Variants in SMIM13 observed in about 807,000 individuals in gnomAD.
SMIM13 encodes small integral membrane protein 13.
SMIM13 carries 3 observed loss-of-function variants against 5.9 expected under a neutral mutation model. That is an observed-to-expected ratio of 0.51 (90% CI 0.23 to 1.31). The LOEUF is 1.31. Ranked by LOEUF, SMIM13 falls within the 40% of genes most tolerant of loss-of-function variation. The pLI, the probability that SMIM13 is intolerant of heterozygous loss-of-function variation, is 0.18. For synonymous variants in SMIM13, 55 were observed against 46.0 expected, an observed-to-expected ratio of 1.19 and a Z score of -0.79; for missense variants, 85 against 109.9, an observed-to-expected ratio of 0.77 and a Z score of 1.01.
At chr6:11,116,978 G>GTTTT (rs1561756849) in intron 1 of SMIM13, among the ~76,000 whole-genome samples, 11 of 67,702 alleles carry the variant, frequency 1.6e-4, no homozygotes, top group South Asian at 5.2e-4. Context: ...AATGATAATT[G>GTTTT]TTTCTTTTTT....
Position 11,113,655 on chromosome 6 carries a change from AG to A in SMIM13, c.76+19267del, listed in dbSNP as rs1189062579. On this transcript the variant is annotated intron_variant, in intron 1 of 1. Transcript: ENST00000416247. ...CAGTGGCACAATCTTGGCTCACTGCAGCCCCCGCCTCCTGGGTTCAAAAGGT... is the reference window on the plus strand; with the variant it reads ...CAGTGGCACAATCTTGGCTCACTGCACCCCCGCCTCCTGGGTTCAAAAGGT... Among the ~76,000 whole-genome samples the A allele has an allele frequency of 2.6e-5, 4 of 152,284 alleles. No individual in the cohort carries two copies. In the East Asian group the frequency reaches 7.7e-4, roughly 29 times the overall value.
At chr6:11,112,493 TCTG>T (rs1048781626) in intron 1 of SMIM13, among the ~76,000 whole-genome samples, 1 of 152,180 alleles carries the variant, frequency 6.6e-6, no homozygotes, top group African/African-American at 2.4e-5. Context: ...CCTCAAGTGA[TCTG>T]CTGTCCTTGG....
intron 1 of SMIM13, among the ~76,000 whole-genome samples, chr6:11,130,790 T>G (rs1034261382): frequency 1.1e-4 from 17 of 152,214 alleles, no homozygotes; most frequent in African/African-American, 3.6e-4. Flanking sequence ...TGTAGATTTC[T>G]GTGCTGAGAG....
chr6:11,105,091 T>C (rs763043224), intron 1 of SMIM13: 1 of 1,614,136 alleles, frequency 6.2e-7, no homozygotes, highest in South Asian at 1.1e-5. Context: ...CGATAGGAAA[T>C]ATGTAATTCC....
chr6:11,096,936 C>T (rs1278763389), intron 1 of SMIM13, among the ~76,000 whole-genome samples: 1 of 152,232 alleles, frequency 6.6e-6, no homozygotes, highest in Non-Finnish European at 1.5e-5. Context: ...GGTGATCCAC[C>T]CGCCTCGGCT....
intron 1 of SMIM13, among the ~76,000 whole-genome samples, chr6:11,122,533 A>C (rs192701638): frequency 1.3e-5 from 2 of 150,104 alleles, no homozygotes; most frequent in Admixed American, 1.3e-4. Context: ...CAGGCCTGTG[A>C]CCTTTTTGCA....
rs865858113 is a variant in SMIM13, at chr6:11,134,551, C to G, written c.225C>G (p.Ser75=). Residue 75 remains serine (S), a synonymous_variant, in exon 2 of 2, where the codon TCC becomes TCG. Coordinates refer to ENST00000416247, the MANE Select transcript of SMIM13 (RefSeq NM_001135575.2). ...CCTCCTCTCCACACAGAATCAGATC[C>G]GCTCGCCAAAGGAGGGCACCTGCTG... ...DTSSSPHRIR[S]ARQRRAPADE... is the part of the protein sequence containing the mutation. 1.1e-5 allele frequency: 17 copies of G among 1,549,836 alleles called. No individual in the cohort carries two copies. The highest frequency in any genetic ancestry group is 1.3e-5 in the Non-Finnish European group (15 of 1,145,996).
chr6:11,107,881 C>T (rs1758110328), intron 1 of SMIM13, among the ~76,000 whole-genome samples: 1 of 152,180 alleles, frequency 6.6e-6, no homozygotes, highest in Non-Finnish European at 1.5e-5. Flanking sequence ...AGGAAACTGC[C>T]TTCTACAAGG....
chr6:11,134,360 T>G, intron 1 of SMIM13, 43 bp from the exon 2 acceptor site: 1 of 1,422,492 alleles, frequency 7.0e-7, no homozygotes. Context: ...TTGATAACAT[T>G]GTGTGTAATA....
Position 11,094,276 on chromosome 6 carries a change from G to T in SMIM13, c.-38G>T, listed in dbSNP as rs1351051267. On this transcript the variant is annotated 5_prime_UTR_variant, in exon 1 of 2. Coordinates refer to ENST00000416247, the MANE Select transcript of SMIM13 (RefSeq NM_001135575.2). ...GCCGCCCGCGCTCACCGCCGTCCGC[G>T]CCAGCCGCCCCGAGCCGACTGCCCT... is the stretch of plus-strand genomic sequence containing the variant. The T allele has an allele frequency of 2.3e-6, 3 of 1,319,932 alleles. No homozygotes were observed. The highest frequency in any genetic ancestry group is 3.7e-5 in the South Asian group (2 of 54,354). The allele number at this position is 1,319,932 out of a possible 1,614,324, so 81.8% of individuals were successfully genotyped here.
At chr6:11,099,356 G>C (rs1015861427) in intron 1 of SMIM13, among the ~76,000 whole-genome samples, 14 of 152,094 alleles carry the variant, frequency 9.2e-5, no homozygotes, top group Non-Finnish European at 1.8e-4. Flanking sequence ...TGTATTTTTA[G>C]TAGCGATGGG....
At chr6:11,101,248 G>A (rs910432690) in intron 1 of SMIM13, among the ~76,000 whole-genome samples, 10 of 152,040 alleles carry the variant, frequency 6.6e-5, no homozygotes, top group African/African-American at 2.4e-4. Context: ...TATGTTTAGC[G>A]TTGGACCTGG....
In SMIM13 at chr6:11,138,076, T is replaced by C. The variant is rs1175546602; in HGVS notation, c.*3474T>C. 6.6e-6 allele frequency: 1 copy of C among 152,212 alleles called. No individual in the cohort carries two copies. The highest frequency in any genetic ancestry group is 2.4e-5 in the African/African-American group (1 of 41,450). 9.4% of individuals were successfully genotyped at this position (152,212 alleles called of 1,614,324 possible). A position where few individuals can be genotyped will look rare whatever the true frequency, so the allele number is the denominator to read the frequency against. Reference sequence around the variant, plus strand: ...TCTTTGAAATTAGTCAACAATGCAGTCTTTTTTAAAAGTCAGTTTTCTCAA... The same window carrying C: ...TCTTTGAAATTAGTCAACAATGCAGCCTTTTTTAAAAGTCAGTTTTCTCAA... On this transcript the variant is annotated 3_prime_UTR_variant, in exon 2 of 2. Transcript: ENST00000416247.
chr6:11,116,982 C>CTTTTTTTTTTTTTTTT (rs68092921), intron 1 of SMIM13, among the ~76,000 whole-genome samples: 3 of 46,452 alleles, frequency 6.5e-5, no homozygotes, highest in Non-Finnish European at 7.8e-5. Context: ...ATAATTGTTT[C>CTTTTTTTTTTTTTTTT]TTTTTTTTTT....
At chr6:11,096,359 C>T (rs148777137) in intron 1 of SMIM13, among the ~76,000 whole-genome samples, 1 of 152,324 alleles carries the variant, frequency 6.6e-6, no homozygotes, top group African/African-American at 2.4e-5. Flanking sequence ...AGGCGGAGCT[C>T]AGATGGTAAT....
At chr6:11,099,352 T>G (rs1561750709) in intron 1 of SMIM13, among the ~76,000 whole-genome samples, 1 of 152,136 alleles carries the variant, frequency 6.6e-6, no homozygotes, top group Non-Finnish European at 1.5e-5. Context: ...TTTTTGTATT[T>G]TTAGTAGCGA....
chr6:11,113,133 A>G (rs1334945741), intron 1 of SMIM13, among the ~76,000 whole-genome samples: 1 of 152,210 alleles, frequency 6.6e-6, no homozygotes, highest in East Asian at 1.9e-4. Flanking sequence ...TAGTAGTATT[A>G]GTAGTTAGTA....
At chr6:11,103,507 CTTCT>C in intron 1 of SMIM13, 5 of 837,342 alleles carry the variant, frequency 6.0e-6, no homozygotes, top group Non-Finnish European at 8.6e-6. Flanking sequence ...GAAGGTCAGT[CTTCT>C]TTAACTGCTT....
intron 1 of SMIM13, among the ~76,000 whole-genome samples, chr6:11,113,066 A>G (rs1176207461): frequency 1.3e-5 from 2 of 152,142 alleles, no homozygotes; most frequent in East Asian, 1.9e-4. Flanking sequence ...CCTGACCTCA[A>G]GTAATCCACC....
Sources: allele counts gnomAD v4.1 joint callset (sites outside exome capture counted in the v4.1 genomes callset), GRCh38; gene constraint gnomAD v4.1.1; transcripts MANE v1.5; gene names NCBI Gene and HGNC (gene_info 2026-07-23, HGNC 2026-07-21).